The following MCEE variants were observed in gnomAD, a reference collection of about 807,000 sequenced individuals.
The protein encoded by MCEE is methylmalonyl-CoA epimerase.
Under a neutral mutation model 12.9 loss-of-function variants are expected in MCEE, and 6 were observed. That is an observed-to-expected ratio of 0.47 (90% confidence interval 0.26 to 0.92). The LOEUF (loss-of-function observed/expected upper bound fraction) is 0.92. MCEE is among the 40% of genes least tolerant of loss of function. The pLI, the probability that MCEE is intolerant of heterozygous loss-of-function variation, is 0.16. For synonymous variants in MCEE, 78 were observed against 77.9 expected (o/e 1.00, Z -0.01); for missense variants, 214 against 212.1 (o/e 1.01, Z -0.05).
intron 1 of MCEE, among the ~76,000 whole-genome samples, chr2:71,126,568 C>CAAAAAAAAAAAAAAAAAAAAA (rs70959207): frequency 1.4e-5 from 1 of 72,154 alleles, no homozygotes; most frequent in South Asian, 6.7e-4. Flanking sequence ...TACATTTTAC[C>CAAAAAAAAAAAAAAAAAAAAA]AAAAAAAAAA....
intron 2 of MCEE, among the ~76,000 whole-genome samples, chr2:71,114,206 G>A (rs1055889248): frequency 6.6e-6 from 1 of 152,168 alleles, no homozygotes; most frequent in African/African-American, 2.4e-5. Flanking sequence ...GGGGAAGGGA[G>A]AGCATCAGGA....
chr2:71,126,817 A>T (rs1348538384), intron 1 of MCEE, among the ~76,000 whole-genome samples: 2 of 152,186 alleles, frequency 1.3e-5, no homozygotes, highest in Non-Finnish European at 2.9e-5. Flanking sequence ...GTGTATCTTT[A>T]AGGTATACAA....
rs1257895700 is a variant in MCEE, at chr2:71,109,770, TAACA to T, written c.*196_*199del. 8 of 335,624 alleles carry T rather than the reference TAACA, an allele frequency of 2.4e-5. No individual in the cohort carries two copies. The South Asian group carries it at 4.3e-4, about 18-fold the overall frequency. 20.8% of individuals were successfully genotyped at this position (335,624 alleles called of 1,614,324 possible). ...ATCAAGATTTTCTTCAAATTCAAAT[TAACA>T]AATATGTTTGTTAATCTAAATAATA... On this transcript the variant is annotated 3_prime_UTR_variant, in exon 3 of 3. Transcript: ENST00000244217.
intron 1 of MCEE, among the ~76,000 whole-genome samples, chr2:71,124,918 C>G (rs1673185209): frequency 6.6e-6 from 1 of 151,970 alleles, no homozygotes; most frequent in Non-Finnish European, 1.5e-5. Flanking sequence ...AGCAATTTCT[C>G]TACCTGTACC....
chr2:71,118,770 T>C (rs995810740), intron 2 of MCEE, among the ~76,000 whole-genome samples: 8 of 150,180 alleles, frequency 5.3e-5, no homozygotes, highest in Middle Eastern at 3.4e-3. Flanking sequence ...TTTCGACATA[T>C]GAATTTTGAG....
Position 71,125,200 on chromosome 2 carries a change from T to TA in MCEE, c.41-658dup, listed in dbSNP as rs1435678432. 4.0e-3 allele frequency among the ~76,000 whole-genome samples: 231 copies of TA among 57,390 alleles called. 4 individuals carry two copies. Among genetic ancestry groups the TA allele is most frequent in the African/African-American group, 0.018 (221 of 12,340 alleles). 37.7% of individuals were successfully genotyped at this position (57,390 alleles called of 152,430 possible). A position where few individuals can be genotyped will look rare whatever the true frequency, so the allele number is the denominator to read the frequency against. ...GTGTATATATATAAATATATATATA[T>TA]ATATATATATATTTTTTTTTTTTTT... is the stretch of plus-strand genomic sequence containing the variant. On this transcript the variant is annotated intron_variant, in intron 1 of 2. Transcript: ENST00000244217.
chr2:71,128,106 T>TA (rs397709398), intron 1 of MCEE, among the ~76,000 whole-genome samples: 1 of 152,076 alleles, frequency 6.6e-6, no homozygotes, highest in African/African-American at 2.4e-5. Flanking sequence ...CAATTTTTTT[T>TA]ATTCATTACA....
chr2:71,116,330 C>A (rs1218857017), intron 2 of MCEE, among the ~76,000 whole-genome samples: 2 of 150,250 alleles, frequency 1.3e-5, no homozygotes, highest in African/African-American at 5.0e-5. Flanking sequence ...CCTCGGCCTC[C>A]CAAAAGTGCT....
intron 2 of MCEE, among the ~76,000 whole-genome samples, chr2:71,119,969 C>T (rs1285152798): frequency 6.7e-6 from 1 of 149,508 alleles, no homozygotes; most frequent in African/African-American, 2.6e-5. Flanking sequence ...AGGAGGGTCG[C>T]TTGAGCTCAG....
Position 71,124,466 on chromosome 2 carries a change from C to G in MCEE, c.118G>C (p.Gly40Arg), listed in dbSNP as rs770516763. 6.2e-7 allele frequency: 1 copy of G among 1,614,048 alleles called. No individual in the cohort carries two copies. The highest frequency in any genetic ancestry group is 1.3e-5 in the African/African-American group (1 of 74,926). ...AGTCGACCCAGGTTCCACACAGAAC[C>G]TGTCACTTGATCCAAGGGCTGTGAT... ...STSQPLDQVT[G>R]SVWNLGRLNH... Residue 40 changes from glycine (G) to arginine (R), a missense_variant, in exon 2 of 3, where the codon GGT becomes CGT. Transcript: ENST00000244217.
intron 1 of MCEE, among the ~76,000 whole-genome samples, chr2:71,126,439 G>A (rs1364592895): frequency 6.6e-6 from 1 of 151,838 alleles, no homozygotes; most frequent in Non-Finnish European, 1.5e-5. Flanking sequence ...TGTTGGCCAG[G>A]CTGGTCTCGA....
rs146624706 is a variant in MCEE at position 71,109,848 on chromosome 2, TCA to T, written c.*120_*121del. 0.014 allele frequency: 11,078 copies of T among 781,070 alleles called. 571 individuals carry two copies. The highest frequency in any genetic ancestry group is 0.13 in the African/African-American group (7,749 of 57,772). 48.4% of individuals were successfully genotyped at this position (781,070 alleles called of 1,614,324 possible). ...GTATATATTTTAATCTTTCTGTAAT[TCA>T]GTCTTTAACTGTGAACTTTTACATG... On this transcript the variant is annotated 3_prime_UTR_variant, in exon 3 of 3. Transcript: ENST00000244217.
In MCEE at chr2:71,110,085, T is replaced by C. The variant is rs1248161134; in HGVS notation, c.416A>G (p.Lys139Arg). 1 of 1,613,518 alleles carries C rather than the reference T, an allele frequency of 6.2e-7. No homozygotes were observed. The highest frequency in any genetic ancestry group is 8.5e-7 in the Non-Finnish European group (1 of 1,179,650). Residue 139 changes from lysine to arginine, a missense_variant, in exon 3 of 3, where the codon AAA (lysine) becomes AGA (arginine). Lys to Arg is a conservative substitution (Grantham distance 26). Transcript: ENST00000244217. ...NINAAVMDLK[K>R]KKIRSLSEEV... ...TTCACTTAGACTGCGGATCTTCTTT[T>C]TTTTCAAATCCATCACAGCTGCATT...
chr2:71,130,222 T>G lies in MCEE; in HGVS notation c.-3A>C. 6.2e-7 allele frequency: 1 copy of G among 1,607,648 alleles called. No homozygotes were observed. The highest frequency in any genetic ancestry group is 8.5e-7 in the Non-Finnish European group (1 of 1,178,136). On this transcript the variant is annotated 5_prime_UTR_variant, in exon 1 of 3. Transcript: ENST00000244217. The stretch of plus-strand genomic sequence containing the variant: ...GCAGCCTTCAGCACCCGCGCCATTT[T>G]GGAAAGCAACCCGCCACGTCAAGAC...
intron 1 of MCEE, among the ~76,000 whole-genome samples, chr2:71,126,868 C>T (rs1206299520): frequency 1.3e-5 from 2 of 152,126 alleles, no homozygotes; most frequent in African/African-American, 2.4e-5. Flanking sequence ...AAAATGATTA[C>T]CAACACTGAA....
chr2:71,120,690 C>T (rs142363086), intron 2 of MCEE, among the ~76,000 whole-genome samples: 1 of 148,112 alleles, frequency 6.8e-6, no homozygotes, highest in Non-Finnish European at 1.5e-5. Flanking sequence ...CAGAAAGTAG[C>T]CCTGTGATTA....
intron 1 of MCEE, chr2:71,129,921 A>C: frequency 1.7e-6 from 1 of 581,822 alleles, no homozygotes; most frequent in Non-Finnish European, 3.1e-6. Context: ...TCTCCCGCCC[A>C]CATACTGGAA....
chr2:71,111,575 C>T (rs1177785615), intron 2 of MCEE, among the ~76,000 whole-genome samples: 1 of 152,088 alleles, frequency 6.6e-6, no homozygotes, highest in Non-Finnish European at 1.5e-5. Flanking sequence ...CTAATCCTTT[C>T]AAGGGGTTCT....
intron 2 of MCEE, among the ~76,000 whole-genome samples, chr2:71,119,998 C>G (rs979148195): frequency 6.7e-6 from 1 of 149,308 alleles, no homozygotes; most frequent in African/African-American, 2.6e-5. Flanking sequence ...GGTTGCAGTG[C>G]GTAATGATTG....
Sources: allele counts gnomAD v4.1 joint callset (sites outside exome capture counted in the v4.1 genomes callset), GRCh38; gene constraint gnomAD v4.1.1; transcripts MANE v1.5; gene names NCBI Gene and HGNC (gene_info 2026-07-23, HGNC 2026-07-21).